RAB1A: variants seen among roughly 807,000 people sequenced by gnomAD.
RAB1A encodes ras-related protein Rab-1A.
Under a neutral mutation model 26.0 loss-of-function variants are expected in RAB1A, and 2 were observed. The observed-to-expected ratio is 0.08, with a 90% CI of 0.03 to 0.24. RAB1A has a LOEUF of 0.24. Among genes scored for constraint, RAB1A ranks in the 10% least tolerant of loss-of-function variants. The pLI, the probability that RAB1A is intolerant of heterozygous loss-of-function variation, is 1.00. For synonymous variants in RAB1A, 84 were observed against 84.9 expected, an observed-to-expected ratio of 0.99 and a Z score of 0.06; for missense variants, 100 against 247.0, an observed-to-expected ratio of 0.40 and a Z score of 3.99.
intron 1 of RAB1A, among the ~76,000 whole-genome samples, chr2:65,110,046 T>C (rs1669658679): frequency 6.6e-6 from 1 of 152,174 alleles, no homozygotes; most frequent in East Asian, 1.9e-4. Context: ...CAGGCCTCTT[T>C]CGTTGTGAGA....
At chr2:65,122,788 G>T (rs189585707) in intron 1 of RAB1A, among the ~76,000 whole-genome samples, 59 of 151,976 alleles carry the variant, frequency 3.9e-4, no homozygotes, top group Admixed American at 7.2e-4. Flanking sequence ...GGCTAACACA[G>T]TGAAACCCCA....
At chr2:65,103,013 T>C (rs996007301) in intron 2 of RAB1A, among the ~76,000 whole-genome samples, 2 of 151,500 alleles carry the variant, frequency 1.3e-5, no homozygotes, top group African/African-American at 2.4e-5. Flanking sequence ...TGCTTTTCTT[T>C]TCTCCAAAAT....
In RAB1A at chr2:65,129,547, G is replaced by C. The variant is rs61758848; in HGVS notation, c.23+346C>G. Among the ~76,000 whole-genome samples the C allele has an allele frequency of 0.022, 3,363 of 150,964 alleles. 208 individuals carry two copies. In the East Asian group the frequency reaches 0.23, roughly 10 times the overall value. On this transcript the variant is annotated intron_variant, in intron 1 of 5. Coordinates refer to ENST00000409784, the MANE Select transcript of RAB1A (RefSeq NM_004161.5). Reference sequence around the variant, plus strand: ...TCTCCCACCCCATCCCCTCCCCTTAGAGACAAGTCCTCCTTCAAAAGTCAC... The same window carrying C: ...TCTCCCACCCCATCCCCTCCCCTTACAGACAAGTCCTCCTTCAAAAGTCAC...
At chr2:65,108,171 G>C (rs1477185045) in intron 1 of RAB1A, among the ~76,000 whole-genome samples, 1 of 151,782 alleles carries the variant, frequency 6.6e-6, no homozygotes, top group African/African-American at 2.4e-5. Context: ...AGACCAGCCA[G>C]GCCAACACGA....
At chr2:65,108,090 G>C (rs369703996) in intron 1 of RAB1A, among the ~76,000 whole-genome samples, 108 of 148,726 alleles carry the variant, frequency 7.3e-4, no homozygotes, top group African/African-American at 2.6e-3. Context: ...CTCTATTTCA[G>C]AGCAACCATA....
intron 1 of RAB1A, among the ~76,000 whole-genome samples, chr2:65,120,898 T>G (rs1395405417): frequency 6.6e-6 from 1 of 152,130 alleles, no homozygotes; most frequent in Non-Finnish European, 1.5e-5. Context: ...ATTACATAAT[T>G]CACTGAGTTT....
chr2:65,094,409 A>G (rs1573065557), intron 3 of RAB1A, among the ~76,000 whole-genome samples: 1 of 151,480 alleles, frequency 6.6e-6, no homozygotes, highest in East Asian at 1.9e-4. Context: ...ACATGGAGAA[A>G]CCCCATCTCT....
At chr2:65,117,055 T>C (rs1339893911) in intron 1 of RAB1A, among the ~76,000 whole-genome samples, 3 of 150,182 alleles carry the variant, frequency 2.0e-5, no homozygotes, top group African/African-American at 7.3e-5. Flanking sequence ...TCTTAAATCC[T>C]TCCCCCACCC....
At chr2:65,126,428 A>G (rs904311359) in intron 1 of RAB1A, among the ~76,000 whole-genome samples, 5 of 152,134 alleles carry the variant, frequency 3.3e-5, no homozygotes, top group Admixed American at 6.6e-5. Context: ...GCGACAGAGC[A>G]AGATTCCGTC....
At chr2:65,103,262 TGCACTCTA>T (rs1669474204) in intron 2 of RAB1A, among the ~76,000 whole-genome samples, 1 of 114,330 alleles carries the variant, frequency 8.7e-6, no homozygotes, top group Non-Finnish European at 1.7e-5. Flanking sequence ...CAGACGCCAC[TGCACTCTA>T]GCCTTGGCAA....
chr2:65,112,190 G>A (rs1558583996), intron 1 of RAB1A, among the ~76,000 whole-genome samples: 2 of 146,790 alleles, frequency 1.4e-5, no homozygotes, highest in Non-Finnish European at 3.0e-5. Context: ...CTGTTGCCTA[G>A]GCTGGAGTGC....
chr2:65,120,455 CAAAAAAAAAAAAAA>C (rs67617654), intron 1 of RAB1A, among the ~76,000 whole-genome samples: 10 of 56,654 alleles, frequency 1.8e-4, no homozygotes, highest in African/African-American at 3.5e-4. Flanking sequence ...CACCTTGTCT[CAAAAAAAAAAAAAA>C]AAAAAAAAAA....
rs1005527630 is a variant in RAB1A, at chr2:65,125,972, A to C, written c.23+3921T>G. Among the ~76,000 whole-genome samples, 3 of 147,624 alleles carry C rather than the reference A, an allele frequency of 2.0e-5. No homozygotes were observed. The East Asian group carries it at 6.1e-4, about 30-fold the overall frequency. Reference sequence around the variant, plus strand: ...CTGCAACCTCCACCTCCGAGGTTCAAGAGATTGTCCTGCCTCAGCCTCCCG... The same window carrying C: ...CTGCAACCTCCACCTCCGAGGTTCACGAGATTGTCCTGCCTCAGCCTCCCG... On this transcript the variant is annotated intron_variant, in intron 1 of 5. Coordinates refer to ENST00000409784, the MANE Select transcript of RAB1A (RefSeq NM_004161.5).
intron 1 of RAB1A, among the ~76,000 whole-genome samples, chr2:65,119,841 C>CAAA (rs1178958164): frequency 0.042 from 1,531 of 36,444 alleles, 236 homozygotes; most frequent in African/African-American, 0.14. Flanking sequence ...CCTGTCTCTA[C>CAAA]AAAAAAAAAA....
At chr2:65,102,239 A>G (rs1278665110) in intron 2 of RAB1A, among the ~76,000 whole-genome samples, 3 of 152,170 alleles carry the variant, frequency 2.0e-5, no homozygotes, top group African/African-American at 7.2e-5. Flanking sequence ...TAATTTTAAT[A>G]GTCAAATTTA....
intron 2 of RAB1A, 40 bp from the exon 3 acceptor site, chr2:65,098,106 G>C (rs767057469): frequency 8.4e-7 from 1 of 1,183,882 alleles, no homozygotes; most frequent in Admixed American, 3.0e-5. Flanking sequence ...GTATTGTTCA[G>C]TGGAGCAGAT....
At chr2:65,103,041 G>A (rs954145101) in intron 2 of RAB1A, among the ~76,000 whole-genome samples, 3 of 151,402 alleles carry the variant, frequency 2.0e-5, no homozygotes, top group Admixed American at 6.6e-5. Context: ...ACACTAGCCA[G>A]TATGCAGTAA....
intron 2 of RAB1A, among the ~76,000 whole-genome samples, chr2:65,098,882 C>A (rs1479857873): frequency 8.0e-6 from 1 of 124,922 alleles, no homozygotes; most frequent in East Asian, 2.4e-4. Flanking sequence ...GTTGCCCATG[C>A]TGGAGTGCAG....
At chr2:65,107,675 A>G (rs1234790032) in intron 1 of RAB1A, among the ~76,000 whole-genome samples, 4 of 152,110 alleles carry the variant, frequency 2.6e-5, no homozygotes, top group Admixed American at 2.6e-4. Flanking sequence ...ACTGGACTCA[A>G]TGTACCAATC....
Sources: gnomAD v4.1 joint callset for allele counts (sites outside exome capture counted in the v4.1 genomes callset) on GRCh38, gnomAD v4.1.1 for gene constraint, MANE v1.5 for transcripts, NCBI Gene and HGNC (gene_info 2026-07-23, HGNC 2026-07-21) for gene names.